ZNF438: variants seen among roughly 807,000 people sequenced by gnomAD.
ZNF438 encodes the protein zinc finger protein 438.
In ZNF438, 25 loss-of-function variants were observed where a neutral mutation model predicts 38.0. The observed-to-expected ratio is 0.66, with a 90% CI of 0.48 to 0.92. The LOEUF (loss-of-function observed/expected upper bound fraction) is 0.92, where lower values mean the gene tolerates loss of function less well. Among genes scored for constraint, ZNF438 ranks in the 40% least tolerant of loss-of-function variants. The probability of loss-of-function intolerance (pLI) is 0.00; values close to 1 mark genes in which losing one functional copy is unlikely to be tolerated. For synonymous variants in ZNF438, 372 were observed against 364.1 expected, an observed-to-expected ratio of 1.02 and a Z score of -0.25; for missense variants, 1,007 against 999.6, an observed-to-expected ratio of 1.01 and a Z score of -0.10.
chr10:30,930,834 A>AAAAAAAAAAAAAAAAAAAAAAAAAG (rs2045596714), intron 2 of ZNF438, among the ~76,000 whole-genome samples: 1 of 109,526 alleles, frequency 9.1e-6, no homozygotes, highest in South Asian at 2.9e-4. Context: ...AAAAAAAAAA[A>AAAAAAAAAAAAAAAAAAAAAAAAAG]GCAAATGGTT....
chr10:30,876,188 T>G (rs2038391669), intron 4 of ZNF438, among the ~76,000 whole-genome samples: 1 of 152,210 alleles, frequency 6.6e-6, no homozygotes, highest in African/African-American at 2.4e-5. Flanking sequence ...TTTGCTCTAT[T>G]TAAGGGTCCT....
chr10:31,023,514 C>T (rs114852181), intron 1 of ZNF438, among the ~76,000 whole-genome samples: 1,528 of 152,284 alleles, frequency 0.01, 21 homozygotes, highest in African/African-American at 0.034. Context: ...GATATTTGTA[C>T]ATCCATTTTT....
At chr10:30,879,939 T>C (rs58868955) in intron 3 of ZNF438, among the ~76,000 whole-genome samples, 2,106 of 152,144 alleles carry the variant, frequency 0.014, 46 homozygotes, top group African/African-American at 0.048. Flanking sequence ...CCAAATTTGA[T>C]GAAGCTGTGA....
At chr10:30,876,968 A>G in intron 4 of ZNF438, 30 bp downstream of exon 5, 1 of 1,590,550 alleles carries the variant, frequency 6.3e-7, no homozygotes, top group Non-Finnish European at 8.6e-7. Context: ...TAACAGACTC[A>G]TCACCATTTT....
intron 4 of ZNF438, among the ~76,000 whole-genome samples, chr10:30,851,085 C>T (rs908458156): frequency 6.6e-5 from 10 of 152,168 alleles, no homozygotes; most frequent in African/African-American, 2.2e-4. Context: ...ATTAAAAAAG[C>T]TGATGTGACA....
intron 1 of ZNF438, among the ~76,000 whole-genome samples, chr10:30,995,418 T>A (rs918389210): frequency 6.6e-6 from 1 of 152,220 alleles, no homozygotes; most frequent in African/African-American, 2.4e-5. Context: ...ACTGTGTTTT[T>A]AAAATAAAGG....
exon 5 of ZNF438, chr10:30,848,957 T>C (rs758035610): frequency 5.7e-5 from 92 of 1,614,078 alleles, no homozygotes; most frequent in Non-Finnish European, 7.1e-5. Flanking sequence ...GCTGTTGTCT[T>C]GCTTACAGCC....
At chr10:30,854,962 G>C (rs760333592) in intron 4 of ZNF438, among the ~76,000 whole-genome samples, 3 of 152,134 alleles carry the variant, frequency 2.0e-5, no homozygotes, top group Non-Finnish European at 4.4e-5. Context: ...GTTGGGAAGG[G>C]GCTTCCTATT....
intron 4 of ZNF438, among the ~76,000 whole-genome samples, chr10:30,874,114 G>GTGTA (rs1257613270): frequency 2.6e-4 from 21 of 80,272 alleles, no homozygotes; most frequent in South Asian, 1.2e-3. Flanking sequence ...GTGTGTGTGT[G>GTGTA]TATATATATA....
chr10:30,991,427 T>C (rs73254412), intron 1 of ZNF438, among the ~76,000 whole-genome samples: 1,839 of 152,338 alleles, frequency 0.012, 42 homozygotes, highest in African/African-American at 0.041. Context: ...CTGGATCAAC[T>C]TGCTGGTGGG....
chr10:30,915,635 G>C (rs1009795921), intron 2 of ZNF438, among the ~76,000 whole-genome samples: 3 of 152,070 alleles, frequency 2.0e-5, no homozygotes, highest in Non-Finnish European at 4.4e-5. Context: ...AGGAAGTGCA[G>C]AGATGAAAAA....
At chr10:30,960,100 C>G (rs908375382) in intron 1 of ZNF438, among the ~76,000 whole-genome samples, 6 of 147,002 alleles carry the variant, frequency 4.1e-5, no homozygotes, top group African/African-American at 9.7e-5. Context: ...AGTGTCTATT[C>G]TGTTCTTTTG....
intron 3 of ZNF438, among the ~76,000 whole-genome samples, chr10:30,885,042 AGAT>A (rs1460159957): frequency 6.6e-6 from 1 of 152,256 alleles, no homozygotes; most frequent in African/African-American, 2.4e-5. Flanking sequence ...ATGTCAATCT[AGAT>A]TATTATTTCT....
At chr10:30,874,333 AGAGATGGAGTCTT>A (rs2038077724) in intron 4 of ZNF438, among the ~76,000 whole-genome samples, 1 of 151,670 alleles carries the variant, frequency 6.6e-6, no homozygotes, top group Non-Finnish European at 1.5e-5. Flanking sequence ...ATTTTTTTGT[AGAGATGGAGTCTT>A]GCTATGTTGC....
At chr10:30,903,783 C>T (rs2042299904) in intron 3 of ZNF438, among the ~76,000 whole-genome samples, 1 of 152,144 alleles carries the variant, frequency 6.6e-6, no homozygotes, top group African/African-American at 2.4e-5. Context: ...TTTTTTGTCC[C>T]TGTATCTAAC....
At chr10:30,901,140 G>C (rs767394024) in intron 3 of ZNF438, among the ~76,000 whole-genome samples, 2 of 152,084 alleles carry the variant, frequency 1.3e-5, no homozygotes, top group Non-Finnish European at 2.9e-5. Flanking sequence ...TCTTATAACA[G>C]TTATAACTGA....
At chr10:31,016,390 T>G (rs1290474704) in intron 1 of ZNF438, among the ~76,000 whole-genome samples, 5 of 152,366 alleles carry the variant, frequency 3.3e-5, no homozygotes, top group African/African-American at 1.2e-4. Context: ...CATTCTATAT[T>G]TGATTCCTGC....
intron 1 of ZNF438, among the ~76,000 whole-genome samples, chr10:31,030,456 C>T (rs1394971381): frequency 6.6e-6 from 1 of 152,206 alleles, no homozygotes; most frequent in Non-Finnish European, 1.5e-5. Context: ...CTCCTAATAA[C>T]AATAGCACAC....
intron 2 of ZNF438, among the ~76,000 whole-genome samples, chr10:30,927,337 T>G (rs889230323): frequency 6.6e-6 from 1 of 152,184 alleles, no homozygotes; most frequent in Non-Finnish European, 1.5e-5. Flanking sequence ...AAACAAAGGC[T>G]ATATAGTCTC....
Sources: allele counts gnomAD v4.1 joint callset (sites outside exome capture counted in the v4.1 genomes callset), GRCh38; gene constraint gnomAD v4.1.1; transcripts MANE v1.5; gene names NCBI Gene and HGNC (gene_info 2026-07-23, HGNC 2026-07-21).